Variants in SCOC observed in about 807,000 individuals in gnomAD.
SCOC encodes the protein short coiled coil protein.
SCOC carries 7 observed loss-of-function variants against 9.9 expected under a neutral mutation model. The ratio of observed to expected loss-of-function variants is 0.71; its 90% CI spans 0.40 to 1.33. SCOC has a LOEUF of 1.33. Ranked by LOEUF, SCOC falls within the 40% of genes most tolerant of loss-of-function variation. The pLI, the probability that SCOC is intolerant of heterozygous loss-of-function variation, is 0.01. For synonymous variants in SCOC, 19 were observed against 28.2 expected, an observed-to-expected ratio of 0.67 and a Z score of 1.03; for missense variants, 66 against 89.7, an observed-to-expected ratio of 0.74 and a Z score of 1.07.
At chr4:140,288,748 A>C (rs1308191118) in intron 1 of SCOC, among the ~76,000 whole-genome samples, 12 of 151,914 alleles carry the variant, frequency 7.9e-5, no homozygotes, top group Non-Finnish European at 1.5e-4. Flanking sequence ...TACACACACC[A>C]CACACATCAC....
intron 1 of SCOC, among the ~76,000 whole-genome samples, chr4:140,282,743 T>C (rs1161395837): frequency 1.3e-5 from 2 of 152,190 alleles, no homozygotes; most frequent in African/African-American, 2.4e-5. Context: ...TGATCATCTG[T>C]AAAATGAAAG....
chr4:140,368,569 C>T (rs554970488), intron 2 of SCOC, among the ~76,000 whole-genome samples: 2 of 152,196 alleles, frequency 1.3e-5, no homozygotes, highest in African/African-American at 4.8e-5. Context: ...TAAGGACATA[C>T]CTGGAAGAAA....
At chr4:140,325,538 A>G (rs959372031) in intron 1 of SCOC, among the ~76,000 whole-genome samples, 1 of 152,200 alleles carries the variant, frequency 6.6e-6, no homozygotes, top group African/African-American at 2.4e-5. Flanking sequence ...ATATCTGAAC[A>G]GATATTTCTT....
intron 1 of SCOC, among the ~76,000 whole-genome samples, chr4:140,310,980 T>A (rs890972751): frequency 6.6e-6 from 1 of 152,232 alleles, no homozygotes; most frequent in Admixed American, 6.5e-5. Context: ...TTGAGTGAGA[T>A]GTACCAAGTG....
intron 1 of SCOC, among the ~76,000 whole-genome samples, chr4:140,316,827 G>A (rs1732334483): frequency 6.6e-6 from 1 of 152,180 alleles, no homozygotes; most frequent in African/African-American, 2.4e-5. Context: ...TACTTTTGTA[G>A]CAGGTATGAT....
intron 1 of SCOC, among the ~76,000 whole-genome samples, chr4:140,318,859 C>G (rs553235182): frequency 2.0e-5 from 3 of 152,320 alleles, no homozygotes; most frequent in South Asian, 4.1e-4. Flanking sequence ...AACTCAGTGT[C>G]TGAGGGGTTT....
At chr4:140,258,449 C>G (rs540172065) in intron 1 of SCOC, among the ~76,000 whole-genome samples, 1 of 152,130 alleles carries the variant, frequency 6.6e-6, no homozygotes, top group Non-Finnish European at 1.5e-5. Context: ...TTAAGGGTTA[C>G]CCTAAGACAT....
intron 2 of SCOC, among the ~76,000 whole-genome samples, chr4:140,361,815 A>T (rs1727482749): frequency 6.6e-6 from 1 of 152,170 alleles, no homozygotes; most frequent in Non-Finnish European, 1.5e-5. Flanking sequence ...ACCTCTGAGG[A>T]CTACATCTAT....
At chr4:140,358,176 C>CT (rs1406500231) in intron 2 of SCOC, among the ~76,000 whole-genome samples, 2 of 152,124 alleles carry the variant, frequency 1.3e-5, no homozygotes, top group Non-Finnish European at 2.9e-5. Flanking sequence ...GAGTTGAATA[C>CT]TTTTTTAAAA....
chr4:140,335,985 T>C (rs1014681540), intron 1 of SCOC, among the ~76,000 whole-genome samples: 5 of 152,174 alleles, frequency 3.3e-5, no homozygotes, highest in African/African-American at 1.2e-4. Flanking sequence ...TTAGGGAAGA[T>C]TGTTTCAATA....
At chr4:140,341,738 G>A (rs147794810), upstream of SCOC, among the ~76,000 whole-genome samples, 896 of 152,268 alleles carry the variant, frequency 5.9e-3, 7 homozygotes, top group African/African-American at 0.019. Flanking sequence ...CAGCTACTGT[G>A]CTCTGAAATC....
At chr4:140,336,425 G>A (rs1003018387) in intron 1 of SCOC, among the ~76,000 whole-genome samples, 1 of 152,076 alleles carries the variant, frequency 6.6e-6, no homozygotes, top group African/African-American at 2.4e-5. Context: ...CCTGCTTTCT[G>A]TCTCTACGGA....
chr4:140,356,001 T>C (rs969524364), intron 2 of SCOC, among the ~76,000 whole-genome samples: 2 of 152,328 alleles, frequency 1.3e-5, no homozygotes, highest in Admixed American at 6.5e-5. Context: ...AAAATATCAG[T>C]GGTTGGATTA....
At chr4:140,293,864 C>G (rs779329356) in intron 1 of SCOC, among the ~76,000 whole-genome samples, 6 of 152,124 alleles carry the variant, frequency 3.9e-5, no homozygotes, top group Non-Finnish European at 7.3e-5. Context: ...GAGAGTAAAG[C>G]AGAGCCAGTG....
At chr4:140,326,645 C>T (rs72629205) in intron 1 of SCOC, among the ~76,000 whole-genome samples, 1 of 334 alleles carries the variant, frequency 3.0e-3, no homozygotes, top group Non-Finnish European at 7.1e-3. Context: ...ATAGGCAGAC[C>T]CCCCCCCCTA....
chr4:140,267,576 G>A (rs1730755770), intron 1 of SCOC, among the ~76,000 whole-genome samples: 1 of 152,090 alleles, frequency 6.6e-6, no homozygotes, highest in Non-Finnish European at 1.5e-5. Flanking sequence ...GATGGTGGAG[G>A]TAGAGAGGGA....
chr4:140,287,000 C>G (rs758292339), intron 1 of SCOC, among the ~76,000 whole-genome samples: 7 of 152,070 alleles, frequency 4.6e-5, no homozygotes, highest in Non-Finnish European at 1.0e-4. Flanking sequence ...CCACACAGAC[C>G]ATACACATAC....
intron 1 of SCOC, among the ~76,000 whole-genome samples, chr4:140,281,786 G>A (rs940445818): frequency 9.2e-5 from 14 of 152,178 alleles, no homozygotes; most frequent in African/African-American, 3.1e-4. Flanking sequence ...AATGGGAGTT[G>A]GAAATGCAGC....
At chr4:140,279,688 C>T (rs187451639) in intron 1 of SCOC, among the ~76,000 whole-genome samples, 137 of 152,290 alleles carry the variant, frequency 9.0e-4, no homozygotes, top group Non-Finnish European at 1.4e-3. Context: ...GCTGTTCTCC[C>T]GTGATTCAGT....
Sources: gnomAD v4.1 joint callset for allele counts (sites outside exome capture counted in the v4.1 genomes callset) on GRCh38, gnomAD v4.1.1 for gene constraint, MANE v1.5 for transcripts, NCBI Gene and HGNC (gene_info 2026-07-23, HGNC 2026-07-21) for gene names.